Variants in SDCCAG8 observed in about 807,000 individuals in gnomAD.
The protein encoded by SDCCAG8 is serologically defined colon cancer antigen 8.
In SDCCAG8, 74 loss-of-function variants were observed where a neutral mutation model predicts 101.8. That is an observed-to-expected ratio of 0.73 (90% CI 0.60 to 0.88). SDCCAG8 has a LOEUF of 0.88. SDCCAG8 is among the 40% of genes least tolerant of loss of function. The pLI, the probability that SDCCAG8 is intolerant of heterozygous loss-of-function variation, is 0.00. For missense variants in SDCCAG8, 787 were observed against 822.6 expected (o/e 0.96, Z 0.53); for synonymous variants, 281 against 292.9 (o/e 0.96, Z 0.41).
At chr1:243,330,742 T>A in intron 10 of SDCCAG8, 50 bp downstream of exon 10, 1 of 1,577,550 alleles carries the variant, frequency 6.3e-7, no homozygotes, top group Non-Finnish European at 8.7e-7. Flanking sequence ...AGGTTTTTTA[T>A]GATGCCATTG....
intron 16 of SDCCAG8, among the ~76,000 whole-genome samples, chr1:243,452,409 C>CTT (rs1558489172): frequency 2.5e-5 from 3 of 121,034 alleles, no homozygotes; most frequent in Admixed American, 8.1e-5. Context: ...GAGATGATCT[C>CTT]ATCTCTTTTT....
intron 16 of SDCCAG8, among the ~76,000 whole-genome samples, chr1:243,439,794 A>C (rs749091942): frequency 6.6e-6 from 1 of 152,194 alleles, no homozygotes; most frequent in Non-Finnish European, 1.5e-5. Flanking sequence ...TAGTCTAGGA[A>C]TGCAGGGCTA....
rs1479475872 is a variant in SDCCAG8 at position 243,417,737 on chromosome 1, G to A, written c.1745-231G>A. On this transcript the variant is annotated intron_variant, in intron 14 of 17. Transcript: ENST00000366541. ...TTAACATGTTAAAATGTTACACCAA[G>A]CTGGTATGATGAAAAATGTTTCTGG... 2.6e-5 allele frequency among the ~76,000 whole-genome samples: 4 copies of A among 152,134 alleles called. No individual in the cohort carries two copies. The East Asian group carries it at 7.7e-4, about 29-fold the overall frequency.
chr1:243,278,849 C>T (rs1360793437), intron 4 of SDCCAG8, among the ~76,000 whole-genome samples: 1 of 152,140 alleles, frequency 6.6e-6, no homozygotes, highest in Non-Finnish European at 1.5e-5. Flanking sequence ...GTGGCATAAT[C>T]ATGGCTCACT....
rs1276142774 is a variant in SDCCAG8, at chr1:243,274,664, T to C, written c.420+8T>C. ...GAAGTTAAGTTCTGCAAGGTAAGTT[T>C]CTCATTAAGAATTTAAAACTAAATA... On this transcript the variant is annotated splice_region_variant and intron_variant, in intron 4 of 17. Coordinates refer to ENST00000366541, the MANE Select transcript of SDCCAG8 (RefSeq NM_006642.5). The C allele has an allele frequency of 3.4e-6, 5 of 1,470,040 alleles. No homozygotes were observed. The East Asian group carries it at 1.1e-4, about 33-fold the overall frequency. 91.1% of individuals were successfully genotyped at this position (1,470,040 alleles called of 1,614,324 possible).
At chr1:243,288,373 CTG>C (rs1175759078) in intron 5 of SDCCAG8, among the ~76,000 whole-genome samples, 1 of 151,936 alleles carries the variant, frequency 6.6e-6, no homozygotes, top group Non-Finnish European at 1.5e-5. Context: ...ACTTTGGAGA[CTG>C]AGGTCAGAGG....
In SDCCAG8 at chr1:243,416,058, C is replaced by T. The variant is rs1255651514; in HGVS notation, c.1744+229C>T. ...AGTGCTGCTCTCACATCTGTTGCAC[C>T]ATCTGGATTATGAGTTTATTTACCT... On this transcript the variant is annotated intron_variant, in intron 14 of 17. Coordinates refer to ENST00000366541, the MANE Select transcript of SDCCAG8 (RefSeq NM_006642.5). This position sits in a 1 kb window ranked among gnomAD's most constrained non-coding sequence, Gnocchi z 4.3. 1.3e-5 allele frequency among the ~76,000 whole-genome samples: 2 copies of T among 152,188 alleles called. No homozygotes were observed. The highest frequency in any genetic ancestry group is 4.8e-5 in the African/African-American group (2 of 41,442).
chr1:243,392,145 G>C (rs148433967), intron 13 of SDCCAG8, among the ~76,000 whole-genome samples: 1 of 152,162 alleles, frequency 6.6e-6, no homozygotes, highest in Non-Finnish European at 1.5e-5. Context: ...CTCATTCAGC[G>C]TTTTGTAAAT....
chr1:243,282,418 A>G lies in SDCCAG8; in HGVS notation c.421-3854A>G, dbSNP rs568426365. Among the ~76,000 whole-genome samples, 11 of 152,286 alleles carry G rather than the reference A, an allele frequency of 7.2e-5. 1 individual carries two copies. The South Asian group carries it at 1.9e-3, about 26-fold the overall frequency. The stretch of plus-strand genomic sequence containing the variant: ...ATAAACTAAAATTACTACAAACACT[A>G]TTGCAATTATGATGTTGAACACAAA... On this transcript the variant is annotated intron_variant, in intron 4 of 17. Transcript: ENST00000366541.
At chr1:243,386,789 GAA>G (rs1002965400) in intron 13 of SDCCAG8, among the ~76,000 whole-genome samples, 2 of 151,696 alleles carry the variant, frequency 1.3e-5, no homozygotes, top group African/African-American at 2.4e-5. Flanking sequence ...GAGAGAGAGA[GAA>G]AGAAAGAAAG....
intron 16 of SDCCAG8, among the ~76,000 whole-genome samples, chr1:243,461,261 T>G (rs555508990): frequency 6.6e-6 from 1 of 152,374 alleles, no homozygotes; most frequent in Non-Finnish European, 1.5e-5. Context: ...TTTGTTTTAC[T>G]GCTGTAAAGA....
At chr1:243,322,047 A>T (rs1484642373) in intron 9 of SDCCAG8, among the ~76,000 whole-genome samples, 1 of 152,214 alleles carries the variant, frequency 6.6e-6, no homozygotes, top group African/African-American at 2.4e-5. Context: ...TATACCCAGG[A>T]ATGGGATTGC....
At chr1:243,384,579 G>A (rs1051141815) in intron 13 of SDCCAG8, among the ~76,000 whole-genome samples, 7 of 133,730 alleles carry the variant, frequency 5.2e-5, no homozygotes, top group South Asian at 2.3e-4. Context: ...TTACATGTAC[G>A]TGTTTAAAAA....
At chr1:243,404,768 G>A (rs1007995196) in intron 13 of SDCCAG8, among the ~76,000 whole-genome samples, 2 of 151,938 alleles carry the variant, frequency 1.3e-5, no homozygotes, top group Non-Finnish European at 2.9e-5. Context: ...CATGCACATT[G>A]GATGTTTGAC....
intron 16 of SDCCAG8, among the ~76,000 whole-genome samples, chr1:243,459,947 T>C (rs2148154655): frequency 6.6e-6 from 1 of 152,318 alleles, no homozygotes; most frequent in South Asian, 2.1e-4. Flanking sequence ...TGGTAATAAA[T>C]GGTGACGTGG....
intron 17 of SDCCAG8, among the ~76,000 whole-genome samples, chr1:243,490,915 G>A (rs896053980): frequency 1.3e-5 from 2 of 152,248 alleles, no homozygotes; most frequent in African/African-American, 4.8e-5. Context: ...GGCCTGGCCA[G>A]CCAAAGATCA....
intron 13 of SDCCAG8, among the ~76,000 whole-genome samples, chr1:243,403,074 T>A (rs2079515046): frequency 6.6e-6 from 1 of 152,236 alleles, no homozygotes; most frequent in South Asian, 2.1e-4. Flanking sequence ...TTAACTGGAT[T>A]TAGACAATTA....
At chr1:243,272,706 A>C (rs369983081) in intron 3 of SDCCAG8, among the ~76,000 whole-genome samples, 2 of 152,250 alleles carry the variant, frequency 1.3e-5, no homozygotes, top group East Asian at 3.8e-4. Flanking sequence ...AAGTCTATTT[A>C]TATGGAGCTA....
chr1:243,296,018 C>T (rs1300974977), intron 6 of SDCCAG8, among the ~76,000 whole-genome samples: 2 of 151,876 alleles, frequency 1.3e-5, no homozygotes, highest in African/African-American at 4.8e-5. Context: ...TTTTTTGAGA[C>T]GGGATCTAGC....
Sources: gnomAD v4.1 joint callset for allele counts (sites outside exome capture counted in the v4.1 genomes callset) on GRCh38, gnomAD v4.1.1 for gene constraint, Gnocchi (gnomAD v3.1) non-coding constraint, MANE v1.5 for transcripts, NCBI Gene and HGNC (gene_info 2026-07-23, HGNC 2026-07-21) for gene names.